The following SSTR3 variants were observed in gnomAD, a reference collection of about 807,000 sequenced individuals.
The protein encoded by SSTR3 is somatostatin receptor 3, also known as somatostatin receptor type 3.
For missense variants in SSTR3, 504 were observed against 604.7 expected (o/e 0.83, Z 1.75); for synonymous variants, 281 against 269.2 (o/e 1.04, Z -0.43).
the SSTR3 span, among the ~76,000 whole-genome samples, chr22:37,218,260 A>C: frequency 1.3e-5 from 2 of 152,232 alleles, no homozygotes; most frequent in Non-Finnish European, 2.9e-5. Context: ...CTCCTGTTTC[A>C]GAATGAGGCA....
intron 1 of SSTR3, among the ~76,000 whole-genome samples, chr22:37,209,313 G>A (rs1926049219): frequency 6.6e-6 from 1 of 152,250 alleles, no homozygotes; most frequent in Admixed American, 6.5e-5. Flanking sequence ...CGGGCTCAGA[G>A]TGCCAGGCTG....
At chr22:37,210,466 C>G (rs1219116953) in intron 1 of SSTR3, 1 of 961,022 alleles carries the variant, frequency 1.0e-6, no homozygotes, top group Admixed American at 6.2e-5. Flanking sequence ...TTATCTCAGC[C>G]GGTCTTCCCT....
rs760300421 is a variant in SSTR3, at chr22:37,206,626, G to T, written c.1178C>A (p.Ala393Asp). Residue 393 changes from alanine to aspartate, a missense_variant, in exon 2 of 2, where the codon GCC (alanine) becomes GAC (aspartate). Transcript: ENST00000610913. ...SGQERPPSRV[A>D]SKEQQLLPQE... The stretch of plus-strand genomic sequence containing the variant: ...GGGTAGGAGCTGCTGCTCCTTGCTG[G>T]CCACTCTGCTGGGCGGCCGCTCCTG... 2 of 1,611,778 alleles carry T rather than the reference G, an allele frequency of 1.2e-6. No individual in the cohort carries two copies. The highest frequency in any genetic ancestry group is 2.2e-5 in the East Asian group (1 of 44,898).
rs1926206852 is a variant in SSTR3 at position 37,211,806 on chromosome 22, CG to C, written c.-37+18del. On this transcript the variant is annotated intron_variant, in intron 1 of 1. Transcript: ENST00000610913. Reference sequence around the variant, plus strand: ...GGACCCCACCCTTCGGGACATCATCCGGGCCCCAGCCTCCTTACCTGCCCAT... The same window carrying C: ...GGACCCCACCCTTCGGGACATCATCCGGCCCCAGCCTCCTTACCTGCCCAT... 1 of 985,578 alleles carries C rather than the reference CG, an allele frequency of 1.0e-6. No individual in the cohort carries two copies. The highest frequency in any genetic ancestry group is 1.1e-4 in the East Asian group (1 of 8,820). The allele number at this position is 985,578 out of a possible 1,614,324, so 61.1% of individuals were successfully genotyped here.
the SSTR3 span, among the ~76,000 whole-genome samples, chr22:37,218,556 C>T: frequency 6.9e-4 from 105 of 152,222 alleles, no homozygotes; most frequent in South Asian, 3.7e-3. Flanking sequence ...AGGGGAAACA[C>T]GCCCCTCCCA....
upstream of SSTR3, among the ~76,000 whole-genome samples, chr22:37,214,651 AC>A (rs1284566843): frequency 1.3e-5 from 2 of 151,754 alleles, no homozygotes; most frequent in African/African-American, 4.8e-5. Flanking sequence ...TTCCTCCTCC[AC>A]CCCACCATCA....
Position 37,208,928 on chromosome 22 carries a change from A to G in SSTR3, c.-36-1089T>C, listed in dbSNP as rs139515383. On this transcript the variant is annotated intron_variant, in intron 1 of 1. Coordinates refer to ENST00000610913, the MANE Select transcript of SSTR3 (RefSeq NM_001051.5). The stretch of plus-strand genomic sequence containing the variant: ...GTGCCAAGGGGGAATGTCAGGCCCC[A>G]CTGAGGAAAGCCACGCTCAGGAGGA... Among the ~76,000 whole-genome samples, 251 of 152,294 alleles carry G rather than the reference A, an allele frequency of 1.6e-3. 1 individual carries two copies. Among genetic ancestry groups the G allele is most frequent in the African/African-American group, 5.9e-3 (245 of 41,556 alleles).
chr22:37,214,867 G>A (rs201856205), upstream of SSTR3, among the ~76,000 whole-genome samples: 12 of 152,132 alleles, frequency 7.9e-5, no homozygotes, highest in East Asian at 1.2e-3. Context: ...CCCTCTTCTC[G>A]TTCTAAAGCA....
chr22:37,207,603 A>G lies in SSTR3; in HGVS notation c.201T>C (p.Tyr67=), dbSNP rs771215439. 3.1e-6 allele frequency: 5 copies of G among 1,608,676 alleles called. No individual in the cohort carries two copies. The East Asian group carries it at 6.7e-5, about 22-fold the overall frequency. ...VGLLGNSLVI[Y]VVLRHTASPS... Reference sequence around the variant, plus strand: ...GGCTGGCCGTGTGCCGCAGGACCACATAGATGACCAGCGAGTTACCCAGCA... The same window carrying G: ...GGCTGGCCGTGTGCCGCAGGACCACGTAGATGACCAGCGAGTTACCCAGCA... Residue 67 remains tyrosine, a synonymous_variant, in exon 2 of 2, where the codon TAT becomes TAC. Coordinates refer to ENST00000610913, the MANE Select transcript of SSTR3 (RefSeq NM_001051.5).
Position 37,211,946 on chromosome 22 carries a change from C to T in SSTR3, c.-158G>A, listed in dbSNP as rs990916073. On this transcript the variant is annotated 5_prime_UTR_variant, in exon 1 of 2. It adds an upstream start codon to the 5' untranslated region. Transcript: ENST00000610913. ...TCCTAACTAGGGTCCCCACAAGGCACCCACTTCTAGACCGCTTGCGGGCTC... is the reference window on the plus strand; with the variant it reads ...TCCTAACTAGGGTCCCCACAAGGCATCCACTTCTAGACCGCTTGCGGGCTC... The T allele has an allele frequency of 1.0e-6, 1 of 985,626 alleles. No individual in the cohort carries two copies. The highest frequency in any genetic ancestry group is 1.2e-6 in the Non-Finnish European group (1 of 830,068). The allele number at this position is 985,626 out of a possible 1,614,324, so 61.1% of individuals were successfully genotyped here. A position where few individuals can be genotyped will look rare whatever the true frequency, so the allele number is the denominator to read the frequency against.
upstream of SSTR3, among the ~76,000 whole-genome samples, chr22:37,214,530 G>T (rs1452929792): frequency 6.6e-6 from 1 of 152,128 alleles, no homozygotes; most frequent in Non-Finnish European, 1.5e-5. Flanking sequence ...AGGCGGGGGG[G>T]CTCCCTTGTA....
the SSTR3 span, among the ~76,000 whole-genome samples, chr22:37,219,277 A>G: frequency 9.6e-3 from 1,463 of 152,196 alleles, 26 homozygotes; most frequent in African/African-American, 0.033. Context: ...GTGGATGTCT[A>G]TTTACACGTC....
the SSTR3 span, among the ~76,000 whole-genome samples, chr22:37,218,318 A>G: frequency 2.8e-3 from 432 of 152,314 alleles, no homozygotes; most frequent in African/African-American, 9.8e-3. Context: ...GCACTTTGGG[A>G]AGCTAAGGCA....
At chr22:37,209,266 G>A (rs762423385) in intron 1 of SSTR3, among the ~76,000 whole-genome samples, 12 of 152,172 alleles carry the variant, frequency 7.9e-5, no homozygotes, top group Non-Finnish European at 1.5e-4. Context: ...CTCTGAGCAC[G>A]CCTGGCTACC....
At chr22:37,217,726 C>T in the SSTR3 span, among the ~76,000 whole-genome samples, 2 of 151,998 alleles carry the variant, frequency 1.3e-5, no homozygotes, top group African/African-American at 2.4e-5. Flanking sequence ...CAGACAGTCT[C>T]GCTCTCTCAC....
chr22:37,207,541 A>C lies in SSTR3; in HGVS notation c.263T>G (p.Leu88Arg), dbSNP rs1404188428. 6.2e-6 allele frequency: 10 copies of C among 1,613,552 alleles called. No individual in the cohort carries two copies. The highest frequency in any genetic ancestry group is 8.5e-6 in the Non-Finnish European group (10 of 1,179,988). ...VTNVYILNLALADELFMLGLP... is the reference protein window; with the variant it reads ...VTNVYILNLARADELFMLGLP... ...CCCCAGCATGAAGAGCTCGTCGGCCAGCGCCAGGTTGAGGATGTAGACGTT... is the reference window on the plus strand; with the variant it reads ...CCCCAGCATGAAGAGCTCGTCGGCCCGCGCCAGGTTGAGGATGTAGACGTT... The change falls in exon 2 of 2, where the codon CTG becomes CGG. Residue 88 changes from leucine to arginine, a missense_variant. Coordinates refer to ENST00000610913, the MANE Select transcript of SSTR3 (RefSeq NM_001051.5).
the SSTR3 span, among the ~76,000 whole-genome samples, chr22:37,218,340 T>C: frequency 6.6e-6 from 1 of 152,136 alleles, no homozygotes; most frequent in African/African-American, 2.4e-5. Context: ...GAGGATCACC[T>C]GGGGTGGGAG....
At chr22:37,217,673 TTTTTA>T in the SSTR3 span, among the ~76,000 whole-genome samples, 1 of 151,692 alleles carries the variant, frequency 6.6e-6, no homozygotes, top group African/African-American at 2.4e-5. Flanking sequence ...TCTCTCCTGT[TTTTTA>T]TTTTATTTTT....
chr22:37,206,940 C>G lies in SSTR3; in HGVS notation c.864G>C (p.Glu288Asp), dbSNP rs748732628. 6.2e-7 allele frequency: 1 copy of G among 1,613,410 alleles called. No individual in the cohort carries two copies. The highest frequency in any genetic ancestry group is 8.5e-7 in the Non-Finnish European group (1 of 1,180,024). Reference protein sequence around the residue: ...IVNVVCPLPEEPAFFGLYFLV... With the variant: ...IVNVVCPLPEDPAFFGLYFLV... ...GGAAGTAGAGCCCAAAGAAGGCAGG[C>G]TCCTCGGGCAGTGGGCACACCACGT... Residue 288 changes from glutamate to aspartate, a missense_variant, in exon 2 of 2, where the codon GAG (glutamate) becomes GAC (aspartate). Transcript: ENST00000610913.
Sources: gnomAD v4.1 joint callset for allele counts (sites outside exome capture counted in the v4.1 genomes callset) on GRCh38, gnomAD v4.1.1 for gene constraint, MANE v1.5 for transcripts, NCBI Gene and HGNC (gene_info 2026-07-23, HGNC 2026-07-21) for gene names.